DYNC2H1: variants seen among roughly 807,000 people sequenced by gnomAD.
DYNC2H1 encodes the protein dynein cytoplasmic 2 heavy chain 1.
DYNC2H1 carries 410 observed loss-of-function variants against 570.0 expected under a neutral mutation model. The observed-to-expected ratio is 0.72, with a 90% CI of 0.66 to 0.78. The LOEUF (loss-of-function observed/expected upper bound fraction) is 0.78. Among genes scored for constraint, DYNC2H1 ranks in the 30% least tolerant of loss-of-function variants. The pLI is 0.00. For missense variants in DYNC2H1, 4,865 were observed against 5,046.4 expected (o/e 0.96, Z 1.09); for synonymous variants, 1,688 against 1,677.6 (o/e 1.01, Z -0.15).
chr11:103,398,375 C>T (rs1942483390), intron 83 of DYNC2H1, among the ~76,000 whole-genome samples: 1 of 152,064 alleles, frequency 6.6e-6, no homozygotes, highest in Admixed American at 6.6e-5. Flanking sequence ...GTAAATGTAG[C>T]AGTGATAGGG....
rs763169398 is a variant in DYNC2H1 at position 103,323,976 on chromosome 11, A to G, written c.12025A>G (p.Met4009Val). ...CAATATCGCTCGCTCATCTCAGCGC[A>G]TGATCAGTTCTCAGGTAACCTAAAA... is the stretch of plus-strand genomic sequence containing the variant. ...PANIARSSQR[M>V]ISSQVISQLR... Residue 4009 changes from methionine to valine, a missense_variant, in exon 82 of 89, where the codon ATG becomes GTG. Met to Val is a conservative substitution (Grantham distance 21, BLOSUM62 1). Transcript: ENST00000375735. The G allele has an allele frequency of 3.1e-6, 5 of 1,610,854 alleles. No individual in the cohort carries two copies. Among genetic ancestry groups the G allele is most frequent in the South Asian group, 2.2e-5 (2 of 90,248 alleles).
chr11:103,382,579 C>T (rs542595237), intron 83 of DYNC2H1, among the ~76,000 whole-genome samples: 22 of 152,184 alleles, frequency 1.4e-4, no homozygotes, highest in Middle Eastern at 6.8e-3. Flanking sequence ...TACTGTTTTT[C>T]AAAACTTTGT....
intron 55 of DYNC2H1, among the ~76,000 whole-genome samples, chr11:103,216,439 A>C (rs1863386927): frequency 6.6e-6 from 1 of 152,072 alleles, no homozygotes. Context: ...GCTACATATA[A>C]CTGTTTTCAA....
At chr11:103,357,451 TATC>T (rs1940403134) in intron 82 of DYNC2H1, among the ~76,000 whole-genome samples, 1 of 152,208 alleles carries the variant, frequency 6.6e-6, no homozygotes. Context: ...ATAAATAACT[TATC>T]AACCAGTAAT....
At chr11:103,276,782 CTG>C (rs1396804769) in intron 70 of DYNC2H1, among the ~76,000 whole-genome samples, 5 of 152,016 alleles carry the variant, frequency 3.3e-5, no homozygotes, top group African/African-American at 1.2e-4. Context: ...AGGTTTCCCT[CTG>C]TTATAAACAA....
At chr11:103,172,444 G>T (rs917041841) in intron 34 of DYNC2H1, among the ~76,000 whole-genome samples, 5 of 151,926 alleles carry the variant, frequency 3.3e-5, no homozygotes, top group Admixed American at 6.6e-5. Context: ...AACCTTCCCT[G>T]ATTTATATTT....
At chr11:103,459,334 G>GAAAA (rs1565617853) in intron 87 of DYNC2H1, among the ~76,000 whole-genome samples, 8 of 57,312 alleles carry the variant, frequency 1.4e-4, no homozygotes, top group African/African-American at 7.2e-4. Context: ...AAAAAAAAAA[G>GAAAA]GAAATTCCAT....
At chr11:103,248,797 T>C (rs902776835) in intron 65 of DYNC2H1, among the ~76,000 whole-genome samples, 2 of 152,036 alleles carry the variant, frequency 1.3e-5, no homozygotes, top group East Asian at 3.8e-4. Context: ...GTTACAGAAG[T>C]AACCAAAGAT....
intron 78 of DYNC2H1, among the ~76,000 whole-genome samples, chr11:103,311,234 G>T (rs1323688356): frequency 1.3e-5 from 2 of 151,996 alleles, no homozygotes; most frequent in African/African-American, 4.8e-5. Context: ...TTTCGAGGGG[G>T]TTGTTTTGCT....
At chr11:103,372,380 C>T (rs560662587) in intron 83 of DYNC2H1, among the ~76,000 whole-genome samples, 1 of 152,036 alleles carries the variant, frequency 6.6e-6, no homozygotes, top group South Asian at 2.1e-4. Context: ...TCAAGTGTGG[C>T]CTTTAATTGT....
At chr11:103,436,129 T>C (rs1944051383) in intron 85 of DYNC2H1, 97 bp downstream of exon 85, 2 of 990,036 alleles carry the variant, frequency 2.0e-6, no homozygotes, top group South Asian at 4.0e-5. Flanking sequence ...AATTACACTA[T>C]GATTTTGCAC....
At chr11:103,240,549 T>A (rs1275894076) in intron 63 of DYNC2H1, among the ~76,000 whole-genome samples, 1 of 152,158 alleles carries the variant, frequency 6.6e-6, no homozygotes, top group Non-Finnish European at 1.5e-5. Context: ...TGAACGTCAT[T>A]CTTACTATGT....
intron 84 of DYNC2H1, among the ~76,000 whole-genome samples, chr11:103,428,168 T>A (rs1426723211): frequency 6.8e-6 from 1 of 146,278 alleles, no homozygotes; most frequent in Non-Finnish European, 1.5e-5. Context: ...GGATATATGG[T>A]CTCTCTATAA....
intron 70 of DYNC2H1, among the ~76,000 whole-genome samples, chr11:103,270,348 G>GA (rs1486281110): frequency 1.3e-5 from 2 of 151,836 alleles, no homozygotes; most frequent in African/African-American, 4.8e-5. Flanking sequence ...AACCCTATAG[G>GA]AAAAAACATA....
intron 84 of DYNC2H1, among the ~76,000 whole-genome samples, chr11:103,419,519 G>C (rs1206089882): frequency 6.6e-6 from 1 of 151,650 alleles, no homozygotes; most frequent in Admixed American, 6.6e-5. Flanking sequence ...GTCTAGAGTG[G>C]ACCCCCAGCA....
At chr11:103,110,475 C>G (rs973083498) in intron 1 of DYNC2H1, among the ~76,000 whole-genome samples, 1 of 151,376 alleles carries the variant, frequency 6.6e-6, no homozygotes, top group East Asian at 1.9e-4. Context: ...TTAACATTGC[C>G]CAAGGGAAAG....
intron 88 of DYNC2H1, among the ~76,000 whole-genome samples, chr11:103,471,118 T>G (rs61904826): frequency 0.017 from 2,619 of 152,326 alleles, 34 homozygotes; most frequent in Non-Finnish European, 0.03. Flanking sequence ...CTAACTGGTG[T>G]GAGATGGTAT....
At chr11:103,140,791 G>C (rs1859871276) in intron 17 of DYNC2H1, among the ~76,000 whole-genome samples, 1 of 152,184 alleles carries the variant, frequency 6.6e-6, no homozygotes, top group African/African-American at 2.4e-5. Flanking sequence ...ATAATATCCT[G>C]CAGAATGTTT....
intron 18 of DYNC2H1, 106 bp from the exon 19 acceptor site, chr11:103,147,666 C>T (rs922851948): frequency 5.5e-5 from 37 of 673,122 alleles, no homozygotes; most frequent in Non-Finnish European, 8.4e-5. Context: ...TTACTGCTGA[C>T]ATACATTTTT....
Sources: allele counts gnomAD v4.1 joint callset (sites outside exome capture counted in the v4.1 genomes callset), GRCh38; gene constraint gnomAD v4.1.1; transcripts MANE v1.5; gene names NCBI Gene and HGNC (gene_info 2026-07-23, HGNC 2026-07-21).